MACROD2: variants seen among roughly 807,000 people sequenced by gnomAD.
The protein encoded by MACROD2 is mono-ADP ribosylhydrolase 2.
Under a neutral mutation model 70.4 loss-of-function variants are expected in MACROD2, and 36 were observed. That is an observed-to-expected ratio of 0.51 (90% CI 0.39 to 0.68). The LOEUF is 0.68. MACROD2 is among the 30% of genes least tolerant of loss of function. The pLI is 0.00. For synonymous variants in MACROD2, 172 were observed against 178.8 expected, an observed-to-expected ratio of 0.96 and a Z score of 0.30; for missense variants, 496 against 538.4, an observed-to-expected ratio of 0.92 and a Z score of 0.78.
At chr20:14,677,704 TTA>T (rs2123576960) in intron 4 of MACROD2, among the ~76,000 whole-genome samples, 1 of 152,264 alleles carries the variant, frequency 6.6e-6, no homozygotes, top group South Asian at 2.1e-4. Flanking sequence ...CAGGCAGTCT[TTA>T]ATAAGTCTCT....
intron 9 of MACROD2, among the ~76,000 whole-genome samples, chr20:15,880,772 G>A (rs1430025194): frequency 6.6e-6 from 1 of 152,074 alleles, no homozygotes; most frequent in Non-Finnish European, 1.5e-5. Flanking sequence ...AAGAGACCCA[G>A]GAGCTGGTGG....
At chr20:15,474,219 C>G (rs977128852) in intron 7 of MACROD2, among the ~76,000 whole-genome samples, 4 of 152,216 alleles carry the variant, frequency 2.6e-5, no homozygotes, top group Non-Finnish European at 5.9e-5. Context: ...TCATTTATAA[C>G]TAGCAACTTC....
At chr20:15,736,568 T>C (rs1036524443) in intron 8 of MACROD2, among the ~76,000 whole-genome samples, 1 of 81,588 alleles carries the variant, frequency 1.2e-5, no homozygotes, top group African/African-American at 3.3e-5. Context: ...GAGGAGATAA[T>C]TTAGGTGGGT....
At chr20:15,493,025 C>T (rs941592651) in intron 7 of MACROD2, among the ~76,000 whole-genome samples, 2 of 152,096 alleles carry the variant, frequency 1.3e-5, no homozygotes. Flanking sequence ...AGCTTTGGGC[C>T]CCATGCTCGG....
intron 4 of MACROD2, among the ~76,000 whole-genome samples, chr20:14,518,879 T>G (rs2085133227): frequency 6.6e-6 from 1 of 152,154 alleles, no homozygotes; most frequent in South Asian, 2.1e-4. Flanking sequence ...GAAAGGCTTT[T>G]TGAAAAATCA....
intron 3 of MACROD2, among the ~76,000 whole-genome samples, chr20:14,354,660 A>G (rs204619): frequency 0.013 from 1,968 of 152,292 alleles, 44 homozygotes; most frequent in African/African-American, 0.045. Flanking sequence ...TTACATGGAT[A>G]TATTGAATGA....
chr20:15,332,608 C>T (rs73614407), intron 6 of MACROD2, among the ~76,000 whole-genome samples: 2 of 46,938 alleles, frequency 4.3e-5, no homozygotes, highest in Non-Finnish European at 5.3e-5. Context: ...TGAAAGAGGC[C>T]GTTCCTACAG....
chr20:14,972,992 G>C (rs570461039), intron 5 of MACROD2, among the ~76,000 whole-genome samples: 1 of 152,244 alleles, frequency 6.6e-6, no homozygotes, highest in South Asian at 2.1e-4. Context: ...TACACTATTT[G>C]CAGTTAGGAA....
intron 8 of MACROD2, among the ~76,000 whole-genome samples, chr20:15,747,860 C>G (rs1438277192): frequency 6.6e-6 from 1 of 152,130 alleles, no homozygotes; most frequent in Non-Finnish European, 1.5e-5. Flanking sequence ...GAGGGGCCAT[C>G]TTTGCCTTCT....
intron 2 of MACROD2, among the ~76,000 whole-genome samples, chr20:14,061,443 A>C (rs2053689982): frequency 6.6e-6 from 1 of 152,096 alleles, no homozygotes; most frequent in African/African-American, 2.4e-5. Context: ...CTTCTAATAC[A>C]GGTTGGTGGT....
intron 6 of MACROD2, among the ~76,000 whole-genome samples, chr20:15,298,084 A>G (rs1358603897): frequency 6.6e-6 from 1 of 152,176 alleles, no homozygotes; most frequent in Non-Finnish European, 1.5e-5. Context: ...ACCTGAGAAC[A>G]CAGATTGAGA....
intron 10 of MACROD2, chr20:15,893,923 G>A: frequency 2.2e-6 from 1 of 456,744 alleles, no homozygotes; most frequent in African/African-American, 2.0e-5. Context: ...GCTCAGCTAG[G>A]AAGTGCCTCA....
At chr20:14,582,529 C>G (rs574055346) in intron 4 of MACROD2, among the ~76,000 whole-genome samples, 1 of 152,040 alleles carries the variant, frequency 6.6e-6, no homozygotes, top group Admixed American at 6.6e-5. Flanking sequence ...TTTATAGACT[C>G]AAGCCACATA....
intron 6 of MACROD2, among the ~76,000 whole-genome samples, chr20:15,333,249 T>C (rs558165674): frequency 6.6e-6 from 1 of 151,658 alleles, no homozygotes; most frequent in South Asian, 2.1e-4. Context: ...CAATTTGTTT[T>C]GGTAAACTCT....
intron 5 of MACROD2, among the ~76,000 whole-genome samples, chr20:15,076,781 T>A (rs1251227914): frequency 6.6e-6 from 1 of 152,146 alleles, no homozygotes; most frequent in African/African-American, 2.4e-5. Context: ...TGATCTAATA[T>A]CCATACAGGT....
intron 6 of MACROD2, among the ~76,000 whole-genome samples, chr20:15,293,835 TGGCCAGGCGCAGTG>T (rs1383810424): frequency 6.6e-6 from 1 of 152,130 alleles, no homozygotes; most frequent in Non-Finnish European, 1.5e-5. Context: ...TCAGGAGATT[TGGCCAGGCGCAGTG>T]GCTCATGCCT....
chr20:14,740,780 G>A (rs1166601282), intron 5 of MACROD2, among the ~76,000 whole-genome samples: 2 of 152,114 alleles, frequency 1.3e-5, no homozygotes, highest in Non-Finnish European at 1.5e-5. Flanking sequence ...TCTTGGCTTT[G>A]GTAAATATTA....
intron 1 of MACROD2, among the ~76,000 whole-genome samples, chr20:13,999,704 A>G (rs148211170): frequency 3.3e-5 from 5 of 152,394 alleles, no homozygotes; most frequent in African/African-American, 9.6e-5. Flanking sequence ...AAACTGAAAC[A>G]TAAAGAGGTT....
chr20:14,352,801 A>C (rs1437933073), intron 3 of MACROD2, among the ~76,000 whole-genome samples: 1 of 151,916 alleles, frequency 6.6e-6, no homozygotes, highest in African/African-American at 2.4e-5. Flanking sequence ...TTAGTAGATA[A>C]ACATGGAAGT....
Sources: allele counts gnomAD v4.1 joint callset (sites outside exome capture counted in the v4.1 genomes callset), GRCh38; gene constraint gnomAD v4.1.1; transcripts MANE v1.5; gene names NCBI Gene and HGNC (gene_info 2026-07-23, HGNC 2026-07-21).